Variants in GMDS observed in about 807,000 individuals in gnomAD.
The protein encoded by GMDS is GDP-mannose 4,6 dehydratase.
GMDS carries 20 observed loss-of-function variants against 49.9 expected under a neutral mutation model. The observed-to-expected ratio is 0.40, with a 90% CI of 0.28 to 0.58. The LOEUF (loss-of-function observed/expected upper bound fraction) is 0.58, where lower values mean the gene tolerates loss of function less well. GMDS is among the 20% of genes least tolerant of loss of function. The probability of loss-of-function intolerance (pLI) is 0.42; values close to 1 mark genes in which losing one functional copy is unlikely to be tolerated. For synonymous variants in GMDS, 177 were observed against 178.6 expected (o/e 0.99, Z 0.07); for missense variants, 362 against 481.4 (o/e 0.75, Z 2.32).
chr6:1,948,855 C>T (rs1167276450), intron 6 of GMDS, among the ~76,000 whole-genome samples: 7 of 152,172 alleles, frequency 4.6e-5, no homozygotes, highest in Admixed American at 3.3e-4. Flanking sequence ...TTCAATACTA[C>T]TTACATTTTA....
At chr6:1,869,053 T>C (rs1435277980) in intron 7 of GMDS, among the ~76,000 whole-genome samples, 2 of 152,206 alleles carry the variant, frequency 1.3e-5, no homozygotes, top group East Asian at 3.9e-4. Flanking sequence ...GAGCTTTGCA[T>C]AGCATGGTTA....
rs1776314911 is a variant in GMDS at position 2,141,892 on chromosome 6, T to TCTC, written c.103-17164_103-17162dup. Reference sequence around the variant, plus strand: ...TCTCTCTCTCTCTCTCTCTCTCTCTTCTCTTTCTTCTCCCCCACAACACTC... The same window carrying TCTC: ...TCTCTCTCTCTCTCTCTCTCTCTCTTCTCCTCTTTCTTCTCCCCCACAACACTC... On this transcript the variant is annotated intron_variant, in intron 1 of 10. Transcript: ENST00000380815. Among the ~76,000 whole-genome samples, 5 of 96,500 alleles carry TCTC rather than the reference T, an allele frequency of 5.2e-5. No individual in the cohort carries two copies. In the South Asian group the frequency reaches 1.6e-3, roughly 31 times the overall value. The allele number at this position is 96,500 out of a possible 152,430, so 63.3% of individuals were successfully genotyped here.
intron 4 of GMDS, among the ~76,000 whole-genome samples, chr6:2,114,541 C>G (rs533140511): frequency 6.6e-6 from 1 of 152,188 alleles, no homozygotes; most frequent in South Asian, 2.1e-4. Flanking sequence ...TAAGCTGTAA[C>G]CTAAAGACCC....
At chr6:2,059,973 C>T (rs140207926) in intron 4 of GMDS, among the ~76,000 whole-genome samples, 165 of 151,768 alleles carry the variant, frequency 1.1e-3, no homozygotes, top group Middle Eastern at 3.4e-3. Context: ...GCTTTATTAA[C>T]GAAATGACAA....
At chr6:1,732,957 C>T (rs761220193) in intron 8 of GMDS, among the ~76,000 whole-genome samples, 37 of 152,224 alleles carry the variant, frequency 2.4e-4, no homozygotes, top group Non-Finnish European at 3.7e-4. Context: ...GGCCCCTCTA[C>T]GTTGCAGAGA....
At chr6:1,694,948 C>T (rs1018021424) in intron 9 of GMDS, among the ~76,000 whole-genome samples, 1 of 152,166 alleles carries the variant, frequency 6.6e-6, no homozygotes, top group Non-Finnish European at 1.5e-5. Flanking sequence ...GTAAGGAATG[C>T]TTCCTCACAA....
At chr6:2,057,258 C>A (rs1770831032) in intron 4 of GMDS, among the ~76,000 whole-genome samples, 1 of 152,074 alleles carries the variant, frequency 6.6e-6, no homozygotes, top group South Asian at 2.1e-4. Flanking sequence ...ATCATGAGAC[C>A]CTCCCAGGGA....
At chr6:1,967,588 G>C (rs1388058076) in intron 4 of GMDS, among the ~76,000 whole-genome samples, 1 of 152,136 alleles carries the variant, frequency 6.6e-6, no homozygotes, top group Non-Finnish European at 1.5e-5. Context: ...GCTATATAAA[G>C]AGTCAGAACT....
intron 8 of GMDS, among the ~76,000 whole-genome samples, chr6:1,737,600 CCA>C (rs990727482): frequency 1.4e-5 from 2 of 146,680 alleles, no homozygotes; most frequent in African/African-American, 2.5e-5. Flanking sequence ...CATACACACA[CCA>C]CACACACCAC....
At chr6:2,231,447 G>A (rs902638704) in intron 1 of GMDS, among the ~76,000 whole-genome samples, 8 of 152,008 alleles carry the variant, frequency 5.3e-5, no homozygotes, top group African/African-American at 1.4e-4. Flanking sequence ...ACCCAAAGTC[G>A]CAGGTACTCA....
At chr6:1,773,500 T>C (rs895479394) in intron 7 of GMDS, among the ~76,000 whole-genome samples, 1 of 152,170 alleles carries the variant, frequency 6.6e-6, no homozygotes, top group African/African-American at 2.4e-5. Flanking sequence ...GTGACACTCA[T>C]GGAGGAAGAG....
At chr6:2,008,632 T>G (rs1767352277) in intron 4 of GMDS, among the ~76,000 whole-genome samples, 1 of 152,238 alleles carries the variant, frequency 6.6e-6, no homozygotes. Context: ...TAACAGACAA[T>G]TAAGGAGCTT....
chr6:1,908,669 G>A (rs1470672590), intron 7 of GMDS, among the ~76,000 whole-genome samples: 2 of 152,082 alleles, frequency 1.3e-5, no homozygotes, highest in African/African-American at 4.8e-5. Flanking sequence ...CACACACATG[G>A]CACCATAAGG....
At chr6:2,073,213 A>T (rs868039520) in intron 4 of GMDS, among the ~76,000 whole-genome samples, 28 of 152,208 alleles carry the variant, frequency 1.8e-4, no homozygotes, top group African/African-American at 6.5e-4. Context: ...TTCTAAATGT[A>T]TCTGGTTACT....
At chr6:1,817,127 ACT>A (rs1770706002) in intron 7 of GMDS, among the ~76,000 whole-genome samples, 1 of 150,046 alleles carries the variant, frequency 6.7e-6, no homozygotes, top group Non-Finnish European at 1.5e-5. Flanking sequence ...ACACACACAC[ACT>A]CACATAACAC....
intron 6 of GMDS, among the ~76,000 whole-genome samples, chr6:1,939,435 C>G (rs1251145869): frequency 6.6e-6 from 1 of 151,954 alleles, no homozygotes; most frequent in African/African-American, 2.4e-5. Context: ...CTGCTCTTCC[C>G]CTTGACTGCT....
At chr6:2,177,518 G>C (rs1481922405) in intron 1 of GMDS, among the ~76,000 whole-genome samples, 1 of 152,072 alleles carries the variant, frequency 6.6e-6, no homozygotes, top group Non-Finnish European at 1.5e-5. Context: ...CTTTATTTCT[G>C]AAATGCCAGA....
At chr6:2,110,401 C>A (rs1021976600) in intron 4 of GMDS, among the ~76,000 whole-genome samples, 1 of 152,134 alleles carries the variant, frequency 6.6e-6, no homozygotes, top group Non-Finnish European at 1.5e-5. Flanking sequence ...TGGGCCCTTT[C>A]CCAGGGGCCA....
intron 1 of GMDS, among the ~76,000 whole-genome samples, chr6:2,130,893 T>C (rs762701002): frequency 2.0e-5 from 3 of 152,200 alleles, no homozygotes; most frequent in Non-Finnish European, 4.4e-5. Context: ...TTTTGACTGG[T>C]AGTAACACTA....
Sources: gnomAD v4.1 joint callset for allele counts (sites outside exome capture counted in the v4.1 genomes callset) on GRCh38, gnomAD v4.1.1 for gene constraint, MANE v1.5 for transcripts, NCBI Gene and HGNC (gene_info 2026-07-23, HGNC 2026-07-21) for gene names.